Variants in PPFIA4 observed in about 807,000 individuals in gnomAD.
The protein encoded by PPFIA4 is liprin-alpha-4.
PPFIA4 carries 98 observed loss-of-function variants against 145.7 expected under a neutral mutation model. The ratio of observed to expected loss-of-function variants is 0.67; its 90% CI spans 0.57 to 0.80. The LOEUF is 0.80. Among genes scored for constraint, PPFIA4 ranks in the 30% least tolerant of loss-of-function variants. The pLI, the probability that PPFIA4 is intolerant of heterozygous loss-of-function variation, is 0.00. For synonymous variants in PPFIA4, 628 were observed against 649.6 expected (o/e 0.97, Z 0.51); for missense variants, 1,457 against 1,632.7 (o/e 0.89, Z 1.85).
intron 1 of PPFIA4, among the ~76,000 whole-genome samples, chr1:203,028,316 C>T (rs906596085): frequency 1.8e-4 from 27 of 152,198 alleles, no homozygotes; most frequent in African/African-American, 6.5e-4. Context: ...CAGCCAGGCT[C>T]CTGGGTCTCA....
chr1:203,051,434 T>TTTGATGGGGA, intron 13 of PPFIA4: 1 of 705,650 alleles, frequency 1.4e-6, no homozygotes, highest in Non-Finnish European at 1.8e-6. Context: ...GGAGAGCCTC[T>TTTGATGGGGA]GCTCGAATAC....
intron 1 of PPFIA4, among the ~76,000 whole-genome samples, chr1:203,026,886 T>G (rs1658433001): frequency 6.6e-6 from 1 of 152,050 alleles, no homozygotes; most frequent in Non-Finnish European, 1.5e-5. Flanking sequence ...CGCCCTCTGC[T>G]CCATCGGCTT....
At chr1:203,067,644 G>A (rs890042566) in intron 25 of PPFIA4, 51 bp from the exon 26 acceptor site, 1 of 1,497,402 alleles carries the variant, frequency 6.7e-7, no homozygotes, top group African/African-American at 1.4e-5. Flanking sequence ...GACAGGTGGT[G>A]TGGGAATGTG....
chr1:203,073,962 G>A (rs1379536651), intron 28 of PPFIA4, among the ~76,000 whole-genome samples: 1 of 152,120 alleles, frequency 6.6e-6, no homozygotes, highest in African/African-American at 2.4e-5. Flanking sequence ...TATTTTTATT[G>A]AGTGCCTAAT....
rs1244483505 is a variant in PPFIA4, at chr1:203,026,716, A to G, written c.-400+87A>G. 3 of 152,256 alleles carry G rather than the reference A, an allele frequency of 2.0e-5. No homozygotes were observed. The East Asian group carries it at 5.8e-4, about 29-fold the overall frequency. 9.4% of individuals were successfully genotyped at this position (152,256 alleles called of 1,614,324 possible). Reference sequence around the variant, plus strand: ...GACAGTTTGGGGAGGGGTCTCGTCTATCGCACCTCGGGAAACAGCCCTTTT... The same window carrying G: ...GACAGTTTGGGGAGGGGTCTCGTCTGTCGCACCTCGGGAAACAGCCCTTTT... On this transcript the variant is annotated intron_variant, in intron 1 of 29. Coordinates refer to ENST00000295706, the MANE Select transcript of PPFIA4 (RefSeq NM_001304331.2).
chr1:203,032,693 C>T (rs1658941922), intron 1 of PPFIA4, among the ~76,000 whole-genome samples: 1 of 150,706 alleles, frequency 6.6e-6, no homozygotes, highest in African/African-American at 2.4e-5. Context: ...AGCAGTCTTT[C>T]ACCTCATCCT....
chr1:203,045,672 T>C (rs143681760), intron 7 of PPFIA4, 113 bp downstream of exon 7: 1 of 1,444,542 alleles, frequency 6.9e-7, no homozygotes, highest in East Asian at 2.5e-5. Flanking sequence ...CCTGGCTCCA[T>C]TGTTGGGGGG....
Position 203,055,969 on chromosome 1 carries a change from T to G in PPFIA4, c.2071-151T>G, listed in dbSNP as rs1168222420. 1.7e-5 allele frequency: 3 copies of G among 175,620 alleles called. No homozygotes were observed. Among genetic ancestry groups the G allele is most frequent in the Non-Finnish European group, 2.1e-5 (2 of 97,052 alleles). The allele number at this position is 175,620 out of a possible 1,614,324, so 10.9% of individuals were successfully genotyped here. On this transcript the variant is annotated intron_variant, in intron 16 of 29. Coordinates refer to ENST00000295706, the MANE Select transcript of PPFIA4 (RefSeq NM_001304331.2). The surrounding 1 kb of genome is among the most constrained non-coding windows in gnomAD (Gnocchi z 4.8). ...CCCTGGCTTGTTTTTCTAGGCCAGC[T>G]TTTTTTTTTTTTTCTGGCGTGATAT...
intron 13 of PPFIA4, 103 bp from the exon 14 acceptor site, chr1:203,051,666 C>A: frequency 6.7e-7 from 1 of 1,498,382 alleles, no homozygotes; most frequent in Non-Finnish European, 8.9e-7. Context: ...TAAGATGTCT[C>A]TTCTCTGAGC....
intron 28 of PPFIA4, among the ~76,000 whole-genome samples, chr1:203,074,582 C>G (rs900811619): frequency 4.6e-5 from 7 of 152,070 alleles, no homozygotes; most frequent in African/African-American, 9.7e-5. Flanking sequence ...ACTTGGCACA[C>G]ACAACAAACC....
Position 203,039,066 on chromosome 1 carries a change from G to A in PPFIA4, c.58G>A (p.Ala20Thr), listed in dbSNP as rs577362471. ...GGACCGCCTGGGTCCCCCTCATGGC[G>A]CCGATGCTGACGCCAACTTCGAGCA... ...EGDRLGPPHG[A>T]DADANFEQLM... Residue 20 changes from alanine to threonine, a missense_variant, in exon 2 of 30, where the codon GCC (alanine) becomes ACC (threonine). Ala to Thr is a moderately conservative substitution (Grantham distance 58). This residue lies in a region of PPFIA4 where 463 missense variants were observed against 459.8 expected (regional missense o/e 1.01). Transcript: ENST00000295706. 104 of 1,603,374 alleles carry A rather than the reference G, an allele frequency of 6.5e-5. No homozygotes were observed. The African/African-American group carries it at 8.2e-4, about 13-fold the overall frequency.
rs753545695 is a variant in PPFIA4 at position 203,053,727 on chromosome 1, C to T, written c.1621-26C>T. On this transcript the variant is annotated intron_variant, in intron 14 of 29. Transcript: ENST00000295706. ...CAGTTATCTGGGTGTCTTATTACGACTCCTTTACCCTCCTCCTTTGCTAAG... is the reference window on the plus strand; with the variant it reads ...CAGTTATCTGGGTGTCTTATTACGATTCCTTTACCCTCCTCCTTTGCTAAG... The T allele has an allele frequency of 3.2e-6, 5 of 1,545,046 alleles. No individual in the cohort carries two copies. In the African/African-American group the frequency reaches 4.1e-5, roughly 13 times the overall value.
intron 15 of PPFIA4, among the ~76,000 whole-genome samples, chr1:203,054,843 TAAGA>T (rs1342955661): frequency 1.3e-5 from 2 of 152,264 alleles, no homozygotes; most frequent in South Asian, 2.1e-4. Context: ...ATTCCTGAAG[TAAGA>T]AAGACATACT....
chr1:203,069,755 A>ACCCCCCCCCCCCCCCCCCCC (rs5780138), intron 27 of PPFIA4, among the ~76,000 whole-genome samples: 2 of 104,826 alleles, frequency 1.9e-5, no homozygotes, highest in Non-Finnish European at 4.0e-5. Context: ...TTCTGCAGTG[A>ACCCCCCCCCCCCCCCCCCCC]CCCCCCCGCC....
chr1:203,066,933 CAA>C (rs1661763376), intron 25 of PPFIA4, among the ~76,000 whole-genome samples: 1 of 152,036 alleles, frequency 6.6e-6, no homozygotes, highest in Admixed American at 6.5e-5. Context: ...TGTTAATAGA[CAA>C]AACATGCTAG....
intron 20 of PPFIA4, 144 bp downstream of exon 20, chr1:203,059,415 C>A: frequency 1.4e-6 from 1 of 732,860 alleles, no homozygotes; most frequent in Admixed American, 2.6e-5. Context: ...TCCATGTGGG[C>A]ACAGCAGGGC....
rs375638882 is a variant in PPFIA4, at chr1:203,046,021, G to A, written c.1005+34G>A. The A allele has an allele frequency of 1.4e-5, 22 of 1,611,608 alleles. No homozygotes were observed. The South Asian group carries it at 2.1e-4, about 15-fold the overall frequency. On this transcript the variant is annotated intron_variant, in intron 8 of 29. Coordinates refer to ENST00000295706, the MANE Select transcript of PPFIA4 (RefSeq NM_001304331.2). ...TCAGGGTGGGGTGGGGATGGGCATT[G>A]TACTTAGCCCTGGAGGTGTCCTCGT...
At position 203,055,455 on chromosome 1, in the gene PPFIA4, C is replaced by A; in HGVS notation, c.1853C>A (p.Ser618Tyr). 1 of 1,613,954 alleles carries A rather than the reference C, an allele frequency of 6.2e-7. No individual in the cohort carries two copies. Among genetic ancestry groups the A allele is most frequent in the Non-Finnish European group, 8.5e-7 (1 of 1,179,886 alleles). ...AGGATGATTCAGGAAGAGAAGGAGTCCACGGAGCTCCGCGCGGAGGAGATT... is the reference window on the plus strand; with the variant it reads ...AGGATGATTCAGGAAGAGAAGGAGTACACGGAGCTCCGCGCGGAGGAGATT... ...EIRMIQEEKE[S>Y]TELRAEEIET... is the part of the protein sequence containing the mutation. Residue 618 changes from serine (S) to tyrosine (Y), a missense_variant, in exon 16 of 30, where the codon TCC becomes TAC. Transcript: ENST00000295706. The surrounding 1 kb of genome is among the most constrained non-coding windows in gnomAD (Gnocchi z 4.8).
Position 203,060,891 on chromosome 1 carries a change from T to C in PPFIA4, c.2785-79T>C. 7.4e-7 allele frequency: 1 copy of C among 1,349,340 alleles called. No homozygotes were observed. The highest frequency in any genetic ancestry group is 2.2e-4 in the Middle Eastern group (1 of 4,476). 83.6% of individuals were successfully genotyped at this position (1,349,340 alleles called of 1,614,324 possible). A position where few individuals can be genotyped will look rare whatever the true frequency, so the allele number is the denominator to read the frequency against. On this transcript the variant is annotated intron_variant, in intron 22 of 29. Coordinates refer to ENST00000295706, the MANE Select transcript of PPFIA4 (RefSeq NM_001304331.2). The surrounding 1 kb of genome is among the most constrained non-coding windows in gnomAD (Gnocchi z 4.8). ...AGGACTCAGGGAGGGAGCTTTGTCC[T>C]TGTCCTTTGGGCTCCCAGCCTGATG...
Sources: allele counts gnomAD v4.1 joint callset (sites outside exome capture counted in the v4.1 genomes callset), GRCh38; gene constraint gnomAD v4.1.1; regional missense constraint gnomAD v4.1.1; non-coding constraint Gnocchi (gnomAD v3.1); transcripts MANE v1.5; gene names NCBI Gene and HGNC (gene_info 2026-07-23, HGNC 2026-07-21).